TDRD3: variants seen among roughly 807,000 people sequenced by gnomAD.
The protein encoded by TDRD3 is tudor domain containing 3.
TDRD3 carries 45 observed loss-of-function variants against 86.7 expected under a neutral mutation model. The ratio of observed to expected loss-of-function variants is 0.52; its 90% CI spans 0.41 to 0.67. The LOEUF is 0.67. Among genes scored for constraint, TDRD3 ranks in the 30% least tolerant of loss-of-function variants. The pLI, the probability that TDRD3 is intolerant of heterozygous loss-of-function variation, is 0.00. For synonymous variants in TDRD3, 298 were observed against 301.7 expected, an observed-to-expected ratio of 0.99 and a Z score of 0.13; for missense variants, 814 against 889.0, an observed-to-expected ratio of 0.92 and a Z score of 1.07.
At chr13:60,484,118 G>GTT (rs142692737) in intron 6 of TDRD3, among the ~76,000 whole-genome samples, 22,261 of 150,610 alleles carry the variant, frequency 0.15, 2,037 homozygotes, top group South Asian at 0.28. Flanking sequence ...ATGGGAGAGG[G>GTT]TTTTTTTTTG....
chr13:60,513,896 TA>T (rs1957112215), intron 10 of TDRD3, among the ~76,000 whole-genome samples: 1 of 152,202 alleles, frequency 6.6e-6, no homozygotes, highest in Admixed American at 6.5e-5. Context: ...GAAAATGAAC[TA>T]ATATAGTAAA....
chr13:60,402,653 T>G (rs989979326), intron 1 of TDRD3, among the ~76,000 whole-genome samples: 2 of 151,524 alleles, frequency 1.3e-5, no homozygotes, highest in Non-Finnish European at 2.9e-5. Flanking sequence ...ATTAAAACAC[T>G]TTTTTAGATG....
chr13:60,425,042 A>T (rs1205954812), intron 1 of TDRD3, among the ~76,000 whole-genome samples: 4 of 152,236 alleles, frequency 2.6e-5, no homozygotes, highest in African/African-American at 4.8e-5. Context: ...TATCGGATGA[A>T]CAGTCTTGGT....
intron 12 of TDRD3, among the ~76,000 whole-genome samples, chr13:60,563,111 C>CCAGTTGCT (rs1958373392): frequency 6.6e-6 from 1 of 151,744 alleles, no homozygotes; most frequent in Admixed American, 6.6e-5. Context: ...ACCTGTAATC[C>CCAGTTGCT]CAGTTGCTCA....
At chr13:60,429,612 C>A (rs1954902303) in intron 1 of TDRD3, among the ~76,000 whole-genome samples, 1 of 152,120 alleles carries the variant, frequency 6.6e-6, no homozygotes, top group African/African-American at 2.4e-5. Flanking sequence ...AAAAAACTTT[C>A]AATTGTAAAA....
intron 10 of TDRD3, among the ~76,000 whole-genome samples, chr13:60,524,635 A>G (rs1957369934): frequency 6.6e-6 from 1 of 152,164 alleles, no homozygotes; most frequent in Admixed American, 6.5e-5. Context: ...TACTTACTTT[A>G]TATATGACTT....
chr13:60,545,223 A>G (rs12865240), intron 12 of TDRD3, among the ~76,000 whole-genome samples: 19,043 of 152,216 alleles, frequency 0.13, 1,395 homozygotes, highest in East Asian at 0.2. Flanking sequence ...CAGTCTGGGA[A>G]CCATTGCTGG....
chr13:60,557,142 C>G (rs1018966989), intron 12 of TDRD3, among the ~76,000 whole-genome samples: 1 of 144,964 alleles, frequency 6.9e-6, no homozygotes, highest in African/African-American at 2.6e-5. Flanking sequence ...GGAGGCGGAG[C>G]TTGCGGTGAG....
At chr13:60,532,826 T>C (rs1957615895) in intron 11 of TDRD3, among the ~76,000 whole-genome samples, 1 of 152,198 alleles carries the variant, frequency 6.6e-6, no homozygotes, top group Non-Finnish European at 1.5e-5. Context: ...TTGTCCTCAG[T>C]ATTGCCACCA....
At chr13:60,569,686 C>A (rs936913584) in intron 13 of TDRD3, among the ~76,000 whole-genome samples, 1 of 152,008 alleles carries the variant, frequency 6.6e-6, no homozygotes, top group Non-Finnish European at 1.5e-5. Context: ...ACTACAAAGC[C>A]GTAGTAAACA....
intron 1 of TDRD3, among the ~76,000 whole-genome samples, chr13:60,435,980 T>C (rs1054165554): frequency 6.6e-6 from 1 of 150,520 alleles, no homozygotes; most frequent in Non-Finnish European, 1.5e-5. Flanking sequence ...TTTCTCATTG[T>C]GGTTTTGATT....
At chr13:60,510,599 C>A in intron 9 of TDRD3, 31 bp from the exon 10 acceptor site, 1 of 1,547,304 alleles carries the variant, frequency 6.5e-7, no homozygotes. Context: ...TTTGCATATA[C>A]AGTACATATT....
At chr13:60,553,169 T>C (rs1356259922) in intron 12 of TDRD3, among the ~76,000 whole-genome samples, 1 of 152,242 alleles carries the variant, frequency 6.6e-6, no homozygotes, top group Non-Finnish European at 1.5e-5. Flanking sequence ...GCTTCCCTTT[T>C]AAACATAAAT....
intron 3 of TDRD3, among the ~76,000 whole-genome samples, chr13:60,456,640 G>A (rs918774294): frequency 9.9e-5 from 15 of 152,048 alleles, no homozygotes; most frequent in Non-Finnish European, 5.9e-5. Context: ...GCTCTTAACA[G>A]TAGTTGAAGA....
intron 12 of TDRD3, among the ~76,000 whole-genome samples, chr13:60,549,500 A>G (rs1221960134): frequency 6.6e-6 from 1 of 152,090 alleles, no homozygotes; most frequent in African/African-American, 2.4e-5. Flanking sequence ...GGCCTTCTAG[A>G]GCTCATCTTT....
chr13:60,478,323 A>G (rs1426345113), intron 5 of TDRD3, among the ~76,000 whole-genome samples: 1 of 109,692 alleles, frequency 9.1e-6, no homozygotes, highest in African/African-American at 3.6e-5. Flanking sequence ...TTTTTTTGAG[A>G]CAGAGTCTCA....
In TDRD3 at chr13:60,514,898, A is replaced by G. The variant is rs111921057; in HGVS notation, c.1141+4143A>G. Among the ~76,000 whole-genome samples the G allele has an allele frequency of 3.4e-3, 515 of 152,328 alleles. 4 individuals are homozygous for G. Among genetic ancestry groups the G allele is most frequent in the African/African-American group, 0.012 (491 of 41,574 alleles). On this transcript the variant is annotated intron_variant, in intron 10 of 13. Coordinates refer to ENST00000377881, the MANE Select transcript of TDRD3 (RefSeq NM_001146070.2). ...GGGATTGAGATTGAAAACAGACAAT[A>G]GTTGTATGTGTTGTGGGGAATTATT...
chr13:60,469,090 G>A (rs1477962905), intron 5 of TDRD3, among the ~76,000 whole-genome samples: 4 of 152,100 alleles, frequency 2.6e-5, no homozygotes, highest in Admixed American at 6.6e-5. Flanking sequence ...AATGTGCTGT[G>A]ATTTGGGTTG....
chr13:60,413,069 C>T (rs1267885712), intron 1 of TDRD3, among the ~76,000 whole-genome samples: 1 of 150,948 alleles, frequency 6.6e-6, no homozygotes, highest in Non-Finnish European at 1.5e-5. Flanking sequence ...GCCTAAGTAC[C>T]CAATATATAT....
Sources: gnomAD v4.1 joint callset for allele counts (sites outside exome capture counted in the v4.1 genomes callset) on GRCh38, gnomAD v4.1.1 for gene constraint, MANE v1.5 for transcripts, NCBI Gene and HGNC (gene_info 2026-07-23, HGNC 2026-07-21) for gene names.